ACTR3C: variants seen among roughly 807,000 people sequenced by gnomAD.
The protein encoded by ACTR3C is actin related protein 3C, also known as actin-related protein 3C.
ACTR3C carries 18 observed loss-of-function variants against 26.3 expected under a neutral mutation model. The ratio of observed to expected loss-of-function variants is 0.68; its 90% CI spans 0.47 to 1.01. The LOEUF (loss-of-function observed/expected upper bound fraction) is 1.01, where lower values mean the gene tolerates loss of function less well. Among genes scored for constraint, ACTR3C ranks in the 50% least tolerant of loss-of-function variants. The pLI, the probability that ACTR3C is intolerant of heterozygous loss-of-function variation, is 0.00. For synonymous variants in ACTR3C, 55 were observed against 94.5 expected, an observed-to-expected ratio of 0.58 and a Z score of 2.42; for missense variants, 184 against 250.7, an observed-to-expected ratio of 0.73 and a Z score of 1.80.
the ACTR3C span, among the ~76,000 whole-genome samples, chr7:150,054,086 A>C: frequency 6.6e-6 from 1 of 151,994 alleles, no homozygotes; most frequent in Admixed American, 6.6e-5. Flanking sequence ...TATGTGACAA[A>C]CCCCCTTTTC....
At chr7:150,239,112 C>T (rs1451068790), downstream of ACTR3C, among the ~76,000 whole-genome samples, 7 of 151,984 alleles carry the variant, frequency 4.6e-5, no homozygotes, top group African/African-American at 1.5e-4. Flanking sequence ...CTTCTGACTG[C>T]CCCACACACT....
At chr7:150,038,015 C>G in the ACTR3C span, among the ~76,000 whole-genome samples, 2 of 138,408 alleles carry the variant, frequency 1.4e-5, no homozygotes, top group South Asian at 2.3e-4. Flanking sequence ...GCCTCCCCCC[C>G]TGCTATGGTG....
chr7:150,006,260 A>C, the ACTR3C span, among the ~76,000 whole-genome samples: 3 of 145,846 alleles, frequency 2.1e-5, no homozygotes, highest in Admixed American at 1.4e-4. Context: ...GCAGTGGCGC[A>C]ATCTCGGCTC....
At chr7:150,235,375 C>G in the ACTR3C span, among the ~76,000 whole-genome samples, 1 of 152,204 alleles carries the variant, frequency 6.6e-6, no homozygotes, top group African/African-American at 2.4e-5. Context: ...CCCAGACTCT[C>G]TCCCACAGCT....
chr7:150,093,914 TA>T, the ACTR3C span, among the ~76,000 whole-genome samples: 3 of 150,978 alleles, frequency 2.0e-5, no homozygotes, highest in Admixed American at 6.6e-5. Context: ...TGCGTGCAGA[TA>T]GTCTTTTAAG....
chr7:150,098,809 A>T, the ACTR3C span, among the ~76,000 whole-genome samples: 1 of 151,824 alleles, frequency 6.6e-6, no homozygotes, highest in Non-Finnish European at 1.5e-5. Context: ...GAATGAGGAA[A>T]CAATCGTCAG....
chr7:150,201,065 G>A, the ACTR3C span, among the ~76,000 whole-genome samples: 1 of 152,154 alleles, frequency 6.6e-6, no homozygotes, highest in East Asian at 1.9e-4. Context: ...TCCCTCTGGG[G>A]ATGAGAATTC....
chr7:149,961,133 GCA>G, the ACTR3C span, among the ~76,000 whole-genome samples: 2 of 151,776 alleles, frequency 1.3e-5, no homozygotes, highest in African/African-American at 4.8e-5. Context: ...CACAGGAAGT[GCA>G]CAGATAGGAA....
chr7:150,207,465 G>A, the ACTR3C span, among the ~76,000 whole-genome samples: 6 of 152,174 alleles, frequency 3.9e-5, no homozygotes, highest in African/African-American at 1.2e-4. Context: ...AGATATGTGG[G>A]TTGAAGGAAG....
chr7:150,023,609 C>T, the ACTR3C span, among the ~76,000 whole-genome samples: 3 of 151,422 alleles, frequency 2.0e-5, no homozygotes, highest in African/African-American at 7.3e-5. Context: ...CCAATTTCTC[C>T]TTAGGATCTT....
At chr7:149,905,550 GATA>G in the ACTR3C span, among the ~76,000 whole-genome samples, 1 of 150,682 alleles carries the variant, frequency 6.6e-6, no homozygotes, top group African/African-American at 2.4e-5. Context: ...ATTTCTAGAT[GATA>G]AAAGATAATT....
At chr7:150,156,978 A>T in the ACTR3C span, among the ~76,000 whole-genome samples, 2 of 151,350 alleles carry the variant, frequency 1.3e-5, no homozygotes, top group Non-Finnish European at 2.9e-5. Context: ...TCCAACTCTA[A>T]AACCCTATGA....
intron 4 of ACTR3C, among the ~76,000 whole-genome samples, chr7:150,287,163 A>C (rs927061394): frequency 6.6e-6 from 1 of 151,348 alleles, no homozygotes; most frequent in Admixed American, 6.6e-5. Flanking sequence ...TCCCTCAATC[A>C]ACATAGATTT....
the ACTR3C span, among the ~76,000 whole-genome samples, chr7:150,038,121 G>A: frequency 1.4e-5 from 2 of 142,838 alleles, 1 homozygote; most frequent in Admixed American, 1.4e-4. Context: ...AGAGCCAGGG[G>A]GGAAGAGGGG....
chr7:150,183,484 G>A, the ACTR3C span, among the ~76,000 whole-genome samples: 1 of 149,552 alleles, frequency 6.7e-6, no homozygotes, highest in Non-Finnish European at 1.5e-5. Flanking sequence ...TGAAATTACT[G>A]GAAGGTAGGG....
the ACTR3C span, among the ~76,000 whole-genome samples, chr7:149,931,562 C>T: frequency 6.6e-6 from 1 of 152,216 alleles, no homozygotes; most frequent in South Asian, 2.1e-4. Context: ...CTTTGCATTT[C>T]CCCCAGCACT....
the ACTR3C span, among the ~76,000 whole-genome samples, chr7:150,034,763 G>C: frequency 6.6e-6 from 1 of 151,196 alleles, no homozygotes; most frequent in South Asian, 2.1e-4. Flanking sequence ...TCAACGAAGG[G>C]GGCCCTAAGC....
the ACTR3C span, among the ~76,000 whole-genome samples, chr7:149,949,570 A>G: frequency 1.4e-5 from 2 of 147,836 alleles, no homozygotes; most frequent in African/African-American, 5.4e-5. Flanking sequence ...GACAAAGAAA[A>G]GATGGACGAG....
At chr7:150,081,328 GA>G in the ACTR3C span, among the ~76,000 whole-genome samples, 1 of 151,386 alleles carries the variant, frequency 6.6e-6, no homozygotes, top group South Asian at 2.1e-4. Flanking sequence ...GAAAAGAAAA[GA>G]AAAAGGAAGA....
Sources: allele counts gnomAD v4.1 joint callset (sites outside exome capture counted in the v4.1 genomes callset), GRCh38; gene constraint gnomAD v4.1.1; transcripts MANE v1.5; gene names NCBI Gene and HGNC (gene_info 2026-07-23, HGNC 2026-07-21).